The following CPEB3 variants were observed in gnomAD, a reference collection of about 807,000 sequenced individuals.
CPEB3 encodes cytoplasmic polyadenylation element binding protein 3.
In CPEB3, 20 loss-of-function variants were observed where a neutral mutation model predicts 67.2. The ratio of observed to expected loss-of-function variants is 0.30; its 90% confidence interval spans 0.21 to 0.43. The LOEUF is 0.43. CPEB3 is among the 20% of genes least tolerant of loss of function. The pLI, the probability that CPEB3 is intolerant of heterozygous loss-of-function variation, is 1.00. For synonymous variants in CPEB3, 376 were observed against 393.1 expected (o/e 0.96, Z 0.51); for missense variants, 746 against 968.6 (o/e 0.77, Z 3.05).
At chr10:92,102,067 C>T (rs751052720) in intron 7 of CPEB3, among the ~76,000 whole-genome samples, 15 of 152,180 alleles carry the variant, frequency 9.9e-5, no homozygotes, top group Non-Finnish European at 1.9e-4. Context: ...CTCATTTCAA[C>T]GTAATTTTGA....
At chr10:92,186,579 C>A (rs1036775799) in intron 3 of CPEB3, among the ~76,000 whole-genome samples, 9 of 151,874 alleles carry the variant, frequency 5.9e-5, no homozygotes, top group Admixed American at 5.9e-4. Context: ...GGACTACAGG[C>A]GCCTGCCACC....
rs544806347 is a variant in CPEB3 at position 92,229,762 on chromosome 10, G to A, written c.1005+9584C>T. Among the ~76,000 whole-genome samples the A allele has an allele frequency of 1.4e-4, 21 of 151,926 alleles. No homozygotes were observed. The South Asian group carries it at 3.7e-3, about 27-fold the overall frequency. ...ATATCTTGTATAGAAATACTAGAAC[G>A]GGCCAGGCGCAGTGGCTTACGCCTA... On this transcript the variant is annotated intron_variant, in intron 2 of 9. Coordinates refer to ENST00000265997, the MANE Select transcript of CPEB3 (RefSeq NM_014912.5).
At chr10:92,141,281 C>T (rs1202219365) in intron 6 of CPEB3, among the ~76,000 whole-genome samples, 3 of 151,302 alleles carry the variant, frequency 2.0e-5, no homozygotes, top group Admixed American at 6.6e-5. Flanking sequence ...CACATATACA[C>T]CATGGAATAC....
chr10:92,094,670 A>G (rs776777030), intron 7 of CPEB3, among the ~76,000 whole-genome samples: 13 of 151,990 alleles, frequency 8.6e-5, no homozygotes, highest in Non-Finnish European at 1.8e-4. Flanking sequence ...CATTCCCTTG[A>G]CATTTACTAC....
intron 2 of CPEB3, 78 bp from the exon 3 acceptor site, chr10:92,192,714 T>C (rs1849040161): frequency 9.1e-7 from 1 of 1,097,496 alleles, no homozygotes; most frequent in South Asian, 2.0e-5. Context: ...CTTCCTGCTG[T>C]GGATTGATGA....
In CPEB3 at chr10:92,047,383, T is replaced by G. The variant is rs1351729449; in HGVS notation, c.*4829A>C. The G allele has an allele frequency of 6.6e-6, 1 of 152,234 alleles. No individual in the cohort carries two copies. Among genetic ancestry groups the G allele is most frequent in the African/African-American group, 2.4e-5 (1 of 41,464 alleles). The allele number at this position is 152,234 out of a possible 1,614,324, so 9.4% of individuals were successfully genotyped here. ...TTTTTCACTAATCTGTGACTAATCT[T>G]TCACTCAAACCTTGCAAGTAGAGAT... On this transcript the variant is annotated 3_prime_UTR_variant, in exon 10 of 10. Coordinates refer to ENST00000265997, the MANE Select transcript of CPEB3 (RefSeq NM_014912.5).
intron 7 of CPEB3, among the ~76,000 whole-genome samples, chr10:92,095,266 G>C: frequency 6.6e-6 from 1 of 152,148 alleles, no homozygotes; most frequent in East Asian, 1.9e-4. Flanking sequence ...ACACAGTGCT[G>C]ATTAACCCTA....
In CPEB3 at chr10:92,239,337, G is replaced by C; in HGVS notation, c.1005+9C>G. Reference sequence around the variant, plus strand: ...AGGGAAGGAGTGTGTAGGTGCAGCAGAGTATTACCTGAAATGGCAACAGAT... The same window carrying C: ...AGGGAAGGAGTGTGTAGGTGCAGCACAGTATTACCTGAAATGGCAACAGAT... On this transcript the variant is annotated intron_variant, in intron 2 of 9. Transcript: ENST00000265997. This position sits in a 1 kb window ranked among gnomAD's most constrained non-coding sequence, Gnocchi z 6.0. The C allele has an allele frequency of 6.2e-7, 1 of 1,601,512 alleles. No individual in the cohort carries two copies. Among genetic ancestry groups the C allele is most frequent in the Non-Finnish European group, 8.5e-7 (1 of 1,174,054 alleles).
intron 1 of CPEB3, among the ~76,000 whole-genome samples, chr10:92,289,732 A>AAAAAAAAAATATAT: frequency 4.0e-5 from 3 of 75,770 alleles, no homozygotes; most frequent in Admixed American, 3.8e-4. Flanking sequence ...AAAAAAAAAA[A>AAAAAAAAAATATAT]ATATATATAT....
intron 6 of CPEB3, among the ~76,000 whole-genome samples, chr10:92,127,622 T>C (rs1011224315): frequency 6.6e-6 from 1 of 152,074 alleles, no homozygotes; most frequent in African/African-American, 2.4e-5. Context: ...GAGGTTGCAG[T>C]AGGCCAAGAC....
At chr10:92,276,422 G>C (rs910573275) in intron 1 of CPEB3, among the ~76,000 whole-genome samples, 1 of 151,812 alleles carries the variant, frequency 6.6e-6, no homozygotes, top group African/African-American at 2.4e-5. Context: ...GGGATTACAG[G>C]CACCTGCCAC....
At chr10:92,230,947 T>C (rs1851238117) in intron 2 of CPEB3, among the ~76,000 whole-genome samples, 2 of 152,294 alleles carry the variant, frequency 1.3e-5, no homozygotes, top group African/African-American at 4.8e-5. Flanking sequence ...TACAGGGAAA[T>C]GGTGGTAAGG....
chr10:92,146,587 C>CA (rs1435648882), intron 4 of CPEB3, among the ~76,000 whole-genome samples: 1 of 151,976 alleles, frequency 6.6e-6, no homozygotes, highest in Non-Finnish European at 1.5e-5. Context: ...ATTTCTTTTA[C>CA]AAAAAAGTTA....
At chr10:92,278,150 A>G (rs1426114919) in intron 1 of CPEB3, among the ~76,000 whole-genome samples, 1 of 151,270 alleles carries the variant, frequency 6.6e-6, no homozygotes, top group Admixed American at 6.6e-5. Context: ...GCGCCACTGC[A>G]CTCCAGCCTG....
At chr10:92,197,973 G>T in intron 2 of CPEB3, among the ~76,000 whole-genome samples, 1 of 152,100 alleles carries the variant, frequency 6.6e-6, no homozygotes, top group East Asian at 1.9e-4. Context: ...CGGTGTGGTG[G>T]CACATGCCTG....
intron 6 of CPEB3, among the ~76,000 whole-genome samples, chr10:92,125,976 G>A (rs565305241): frequency 4.6e-5 from 7 of 151,884 alleles, no homozygotes; most frequent in Non-Finnish European, 4.4e-5. Flanking sequence ...TACCTGCCTC[G>A]GCCTCCAAAA....
intron 9 of CPEB3, among the ~76,000 whole-genome samples, chr10:92,053,025 A>G (rs1221281179): frequency 2.0e-5 from 3 of 152,246 alleles, no homozygotes; most frequent in Non-Finnish European, 2.9e-5. Context: ...TGTGCACCTC[A>G]GTGTCGTAAT....
chr10:92,193,407 C>G (rs972014599), intron 2 of CPEB3, among the ~76,000 whole-genome samples: 26 of 152,178 alleles, frequency 1.7e-4, no homozygotes, highest in South Asian at 4.1e-4. Context: ...CACCCAATAA[C>G]CTTATTGTCA....
chr10:92,176,426 G>C (rs2134054146), intron 4 of CPEB3, among the ~76,000 whole-genome samples: 1 of 152,352 alleles, frequency 6.6e-6, no homozygotes, highest in South Asian at 2.1e-4. Flanking sequence ...AGCTTGTAAA[G>C]AGGGAATGGG....
Sources: gnomAD v4.1 joint callset for allele counts (sites outside exome capture counted in the v4.1 genomes callset) on GRCh38, gnomAD v4.1.1 for gene constraint, Gnocchi (gnomAD v3.1) non-coding constraint, MANE v1.5 for transcripts, NCBI Gene and HGNC (gene_info 2026-07-23, HGNC 2026-07-21) for gene names.